AFG1L: variants seen among roughly 807,000 people sequenced by gnomAD.
AFG1L encodes the protein AFG1-like ATPase.
A neutral mutation model predicts 62.2 loss-of-function variants in AFG1L; 53 were observed. The observed-to-expected ratio is 0.85, with a 90% CI of 0.68 to 1.07. The LOEUF (loss-of-function observed/expected upper bound fraction) is 1.07. AFG1L is among the 50% of genes least tolerant of loss of function. The probability of loss-of-function intolerance (pLI) is 0.00; values close to 1 mark genes in which losing one functional copy is unlikely to be tolerated. For synonymous variants in AFG1L, 228 were observed against 210.3 expected (o/e 1.08, Z -0.73); for missense variants, 555 against 590.5 (o/e 0.94, Z 0.62).
At chr6:108,443,412 C>T (rs954006838) in intron 7 of AFG1L, among the ~76,000 whole-genome samples, 4 of 152,296 alleles carry the variant, frequency 2.6e-5, no homozygotes, top group Admixed American at 6.5e-5. Flanking sequence ...TTGCATAGAC[C>T]ATTTCCATCA....
At chr6:108,318,074 T>A (rs1262689763) in intron 1 of AFG1L, 1 of 154,402 alleles carries the variant, frequency 6.5e-6, no homozygotes, top group Non-Finnish European at 1.4e-5. Flanking sequence ...AGCATTCCCA[T>A]AAACATGGTG....
chr6:108,382,713 A>G (rs902337648), intron 6 of AFG1L, among the ~76,000 whole-genome samples: 2 of 152,236 alleles, frequency 1.3e-5, no homozygotes, highest in African/African-American at 4.8e-5. Flanking sequence ...TTTCTGTCAC[A>G]GTTATGAACA....
At position 108,343,063 on chromosome 6, in the gene AFG1L, TC is replaced by T. The variant is rs533286113; in HGVS notation, c.364-3924del. Among the ~76,000 whole-genome samples, 68 of 151,658 alleles carry T rather than the reference TC, an allele frequency of 4.5e-4. No individual in the cohort carries two copies. In the South Asian group the frequency reaches 0.013, roughly 29 times the overall value. On this transcript the variant is annotated intron_variant, in intron 2 of 12. Transcript: ENST00000368977. ...AGAGAGGACTGTGAGTGCAACTTTT[TC>T]TTTTTCTTTTTTTTTTTTGAGTTGG...
intron 10 of AFG1L, among the ~76,000 whole-genome samples, chr6:108,485,656 A>ATATATATT (rs1359021647): frequency 8.0e-5 from 2 of 25,032 alleles, no homozygotes; most frequent in African/African-American, 5.2e-4. Context: ...ATATATATAT[A>ATATATATT]TTTTTTTTTT....
intron 10 of AFG1L, among the ~76,000 whole-genome samples, chr6:108,495,857 A>G (rs1773955956): frequency 6.6e-6 from 1 of 152,238 alleles, no homozygotes; most frequent in South Asian, 2.1e-4. Context: ...TGTTCCTGTT[A>G]AGAAAATTAT....
chr6:108,400,742 T>C (rs1379412066), intron 6 of AFG1L, among the ~76,000 whole-genome samples: 1 of 126,296 alleles, frequency 7.9e-6, no homozygotes, highest in Non-Finnish European at 1.6e-5. Context: ...ATATATATTA[T>C]ATATGATATT....
rs531398591 is a variant in AFG1L, at chr6:108,373,679, T to A, written c.748+7347T>A. Among the ~76,000 whole-genome samples the A allele has an allele frequency of 2.0e-5, 3 of 151,058 alleles. No individual in the cohort carries two copies. In the East Asian group the frequency reaches 5.8e-4, roughly 29 times the overall value. On this transcript the variant is annotated intron_variant, in intron 6 of 12. Transcript: ENST00000368977. ...CTCGGCTCTGCCTCCCAGGTTCAAG[T>A]GATTCTCCTGCGTCAGCCTCTCGAG...
chr6:108,466,935 A>G (rs1772696812), intron 8 of AFG1L, among the ~76,000 whole-genome samples: 1 of 152,008 alleles, frequency 6.6e-6, no homozygotes, highest in African/African-American at 2.4e-5. Flanking sequence ...ACAAAAATAA[A>G]CAAACTACTT....
chr6:108,516,001 A>G (rs576517511), intron 11 of AFG1L, among the ~76,000 whole-genome samples: 1 of 152,376 alleles, frequency 6.6e-6, no homozygotes, highest in South Asian at 2.1e-4. Context: ...AAATTGAGGC[A>G]ATAATTAATA....
chr6:108,485,611 G>C (rs1773506287), intron 10 of AFG1L, among the ~76,000 whole-genome samples: 1 of 89,028 alleles, frequency 1.1e-5, no homozygotes, highest in Non-Finnish European at 2.1e-5. Flanking sequence ...CAAAGATTAA[G>C]AAATACGAAT....
chr6:108,394,996 G>A (rs1172263504), intron 6 of AFG1L, among the ~76,000 whole-genome samples: 1 of 152,102 alleles, frequency 6.6e-6, no homozygotes, highest in Non-Finnish European at 1.5e-5. Flanking sequence ...TTACTCATTA[G>A]AGGTGTTTAT....
At chr6:108,476,644 G>A (rs537822885) in intron 8 of AFG1L, among the ~76,000 whole-genome samples, 1 of 152,322 alleles carries the variant, frequency 6.6e-6, no homozygotes, top group Admixed American at 6.5e-5. Context: ...GAAACAGCTA[G>A]AAGCACAGAA....
At chr6:108,462,319 G>A (rs755109571) in intron 8 of AFG1L, among the ~76,000 whole-genome samples, 1 of 151,738 alleles carries the variant, frequency 6.6e-6, no homozygotes. Context: ...TGGGAGAATC[G>A]CTTGAACCCA....
chr6:108,435,465 C>T (rs552140341), intron 7 of AFG1L, among the ~76,000 whole-genome samples: 48 of 152,278 alleles, frequency 3.2e-4, no homozygotes, highest in African/African-American at 9.6e-4. Flanking sequence ...ATGGAAGGAT[C>T]GCTTGAGGCC....
chr6:108,476,212 T>C (rs1773098985), intron 8 of AFG1L, among the ~76,000 whole-genome samples: 1 of 152,192 alleles, frequency 6.6e-6, no homozygotes, highest in Non-Finnish European at 1.5e-5. Flanking sequence ...ATACAAAAGA[T>C]TCTGTGATGA....
At chr6:108,331,571 T>C (rs561373542) in intron 2 of AFG1L, among the ~76,000 whole-genome samples, 1 of 152,318 alleles carries the variant, frequency 6.6e-6, no homozygotes, top group South Asian at 2.1e-4. Flanking sequence ...CAACAAACTA[T>C]GAAGAATGAA....
chr6:108,313,976 A>T (rs187700710), intron 1 of AFG1L, among the ~76,000 whole-genome samples: 1 of 152,258 alleles, frequency 6.6e-6, no homozygotes, highest in East Asian at 1.9e-4. Flanking sequence ...GCACTTTGGG[A>T]GGCCAAGGCG....
intron 2 of AFG1L, among the ~76,000 whole-genome samples, chr6:108,324,598 T>C (rs1383381988): frequency 6.6e-6 from 1 of 152,036 alleles, no homozygotes. Context: ...TTGACTAACC[T>C]CTTATGACTC....
intron 5 of AFG1L, chr6:108,359,520 T>C (rs543102418): frequency 6.6e-6 from 1 of 152,382 alleles, no homozygotes; most frequent in East Asian, 1.9e-4. Context: ...TATTCATTCA[T>C]TGACTTATTC....
Sources: gnomAD v4.1 joint callset for allele counts (sites outside exome capture counted in the v4.1 genomes callset) on GRCh38, gnomAD v4.1.1 for gene constraint, MANE v1.5 for transcripts, NCBI Gene and HGNC (gene_info 2026-07-23, HGNC 2026-07-21) for gene names.